The following CHCHD3 variants were observed in gnomAD, a reference collection of about 807,000 sequenced individuals.
The protein encoded by CHCHD3 is MICOS complex subunit MIC19.
A neutral mutation model predicts 38.2 loss-of-function variants in CHCHD3; 20 were observed. That is an observed-to-expected ratio of 0.52 (90% CI 0.37 to 0.76). The LOEUF is 0.76. Ranked by LOEUF, CHCHD3 falls within the 30% of genes least tolerant of loss-of-function variation. The probability of loss-of-function intolerance (pLI) is 0.00; values close to 1 mark genes in which losing one functional copy is unlikely to be tolerated. For synonymous variants in CHCHD3, 82 were observed against 100.0 expected (o/e 0.82, Z 1.07); for missense variants, 245 against 279.2 (o/e 0.88, Z 0.87).
At chr7:132,924,219 A>C (rs1257678432) in intron 4 of CHCHD3, among the ~76,000 whole-genome samples, 28 of 152,196 alleles carry the variant, frequency 1.8e-4, no homozygotes, top group Non-Finnish European at 1.5e-5. Flanking sequence ...CTGCATAGTG[A>C]AATATGAAAT....
intron 3 of CHCHD3, among the ~76,000 whole-genome samples, chr7:133,016,373 ATG>A (rs946309359): frequency 1.8e-4 from 28 of 152,222 alleles, no homozygotes; most frequent in African/African-American, 6.8e-4. Flanking sequence ...CACAGATTAT[ATG>A]TGACTCCAGT....
At chr7:133,048,871 T>C (rs995424377) in intron 2 of CHCHD3, among the ~76,000 whole-genome samples, 1 of 152,200 alleles carries the variant, frequency 6.6e-6, no homozygotes, top group Non-Finnish European at 1.5e-5. Flanking sequence ...TCTGCAAGTT[T>C]CCGCCAAGAG....
intron 3 of CHCHD3, among the ~76,000 whole-genome samples, chr7:133,000,459 C>T (rs886543320): frequency 9.2e-5 from 14 of 151,846 alleles, no homozygotes; most frequent in African/African-American, 3.1e-4. Context: ...TAATCTACAA[C>T]GTACTTAAGG....
chr7:132,956,396 T>C (rs964383843), intron 4 of CHCHD3, among the ~76,000 whole-genome samples: 1 of 152,176 alleles, frequency 6.6e-6, no homozygotes, highest in Non-Finnish European at 1.5e-5. Flanking sequence ...CAAATAATTC[T>C]TCAATCAATG....
chr7:133,058,495 A>C (rs1814406268), intron 2 of CHCHD3, among the ~76,000 whole-genome samples: 1 of 152,240 alleles, frequency 6.6e-6, no homozygotes. Flanking sequence ...GATGATATTC[A>C]GAATCCGTAA....
intron 4 of CHCHD3, among the ~76,000 whole-genome samples, chr7:132,962,676 T>C (rs981427248): frequency 1.2e-4 from 19 of 152,182 alleles, no homozygotes; most frequent in Non-Finnish European, 1.8e-4. Flanking sequence ...GAAAAGAAAA[T>C]TTCCAAAACA....
intron 3 of CHCHD3, among the ~76,000 whole-genome samples, chr7:132,977,512 G>T (rs545623605): frequency 6.6e-6 from 1 of 152,252 alleles, no homozygotes; most frequent in Non-Finnish European, 1.5e-5. Context: ...TGTATTTAAC[G>T]CATTTGTATG....
intron 6 of CHCHD3, among the ~76,000 whole-genome samples, chr7:132,810,004 C>T (rs1242086156): frequency 1.3e-5 from 2 of 152,066 alleles, no homozygotes; most frequent in Admixed American, 6.6e-5. Context: ...TCCTGAAAGT[C>T]CCTGGAAATG....
At chr7:133,011,650 T>G (rs1704816970) in intron 3 of CHCHD3, among the ~76,000 whole-genome samples, 1 of 152,214 alleles carries the variant, frequency 6.6e-6, no homozygotes, top group African/African-American at 2.4e-5. Context: ...ACCACTGGCT[T>G]AGCCTAAGGC....
At chr7:133,026,128 C>T (rs1047632101) in intron 2 of CHCHD3, among the ~76,000 whole-genome samples, 17 of 152,042 alleles carry the variant, frequency 1.1e-4, no homozygotes, top group Admixed American at 5.2e-4. Context: ...ACAAGGGACT[C>T]GTATCCAGAG....
chr7:132,791,010 T>C (rs1439949849), intron 7 of CHCHD3, among the ~76,000 whole-genome samples: 2 of 152,212 alleles, frequency 1.3e-5, no homozygotes, highest in African/African-American at 4.8e-5. Flanking sequence ...CTTTGACCTA[T>C]AGGGAGTGAT....
At chr7:132,989,973 G>C (rs111313979) in intron 3 of CHCHD3, among the ~76,000 whole-genome samples, 4 of 152,242 alleles carry the variant, frequency 2.6e-5, no homozygotes, top group Admixed American at 1.3e-4. Flanking sequence ...CTTATCAGCA[G>C]GGCTTAATGG....
chr7:132,911,257 C>T (rs1809941305), intron 4 of CHCHD3, among the ~76,000 whole-genome samples: 1 of 152,148 alleles, frequency 6.6e-6, no homozygotes. Context: ...GAAGGGGTCC[C>T]AGTCAAGGAA....
At chr7:132,993,035 G>A (rs1812324982) in intron 3 of CHCHD3, among the ~76,000 whole-genome samples, 1 of 152,120 alleles carries the variant, frequency 6.6e-6, no homozygotes, top group East Asian at 1.9e-4. Flanking sequence ...CTAGCTTCCA[G>A]TCTGGCAGAA....
At chr7:132,955,173 G>GGCGTGT (rs138213006) in intron 4 of CHCHD3, among the ~76,000 whole-genome samples, 1 of 126,226 alleles carries the variant, frequency 7.9e-6, no homozygotes, top group Non-Finnish European at 1.6e-5. Flanking sequence ...TCCCTCAGAG[G>GGCGTGT]GTGTGTGTGT....
chr7:132,983,244 A>G (rs544204507), intron 3 of CHCHD3, among the ~76,000 whole-genome samples: 13 of 152,160 alleles, frequency 8.5e-5, no homozygotes, highest in African/African-American at 3.1e-4. Context: ...AATTGCTTAA[A>G]CCCGGGAGGC....
Position 132,981,373 on chromosome 7 carries a change from C to T in CHCHD3, c.252-6087G>A, listed in dbSNP as rs1036719537. 3.9e-5 allele frequency among the ~76,000 whole-genome samples: 6 copies of T among 152,160 alleles called. No homozygotes were observed. The East Asian group carries it at 9.6e-4, about 24-fold the overall frequency. ...CAACAGAGGTGTGAAAGATGGTGAT[C>T]TGACTTCCAAAGTCATACTTCTTAA... On this transcript the variant is annotated intron_variant, in intron 3 of 7. Transcript: ENST00000262570.
At chr7:133,031,465 G>C (rs976326441) in intron 2 of CHCHD3, among the ~76,000 whole-genome samples, 2 of 151,838 alleles carry the variant, frequency 1.3e-5, no homozygotes, top group Non-Finnish European at 2.9e-5. Context: ...AATTTCCTTT[G>C]TAACTTTTCC....
intron 6 of CHCHD3, chr7:132,815,704 C>T (rs555499910): frequency 8.2e-5 from 29 of 355,550 alleles, no homozygotes; most frequent in African/African-American, 5.0e-4. Flanking sequence ...TTTAGGCTTT[C>T]GTCCTTCTTT....
Sources: gnomAD v4.1 joint callset for allele counts (sites outside exome capture counted in the v4.1 genomes callset) on GRCh38, gnomAD v4.1.1 for gene constraint, MANE v1.5 for transcripts, NCBI Gene and HGNC (gene_info 2026-07-23, HGNC 2026-07-21) for gene names.